Variants in HS3ST4 observed in about 807,000 individuals in gnomAD.
HS3ST4 encodes heparan sulfate-glucosamine 3-sulfotransferase 4.
Under a neutral mutation model 29.2 loss-of-function variants are expected in HS3ST4, and 17 were observed. That is an observed-to-expected ratio of 0.58 (90% CI 0.40 to 0.87). The LOEUF (loss-of-function observed/expected upper bound fraction) is 0.87. Ranked by LOEUF, HS3ST4 falls within the 40% of genes least tolerant of loss-of-function variation. HS3ST4 has a pLI of 0.00. For missense variants in HS3ST4, 627 were observed against 634.5 expected, an observed-to-expected ratio of 0.99 and a Z score of 0.13; for synonymous variants, 314 against 285.7, an observed-to-expected ratio of 1.10 and a Z score of -1.00.
intron 1 of HS3ST4, among the ~76,000 whole-genome samples, chr16:25,767,013 CAA>C (rs5816323): frequency 6.7e-6 from 1 of 149,188 alleles, no homozygotes; most frequent in African/African-American, 2.5e-5. Flanking sequence ...TGCAAACTGA[CAA>C]AAAAAAAGGA....
At chr16:25,833,691 T>G (rs1182282713) in intron 1 of HS3ST4, among the ~76,000 whole-genome samples, 10 of 152,160 alleles carry the variant, frequency 6.6e-5, no homozygotes, top group Admixed American at 2.6e-4. Context: ...ATTTTCTGCT[T>G]CTTCTCTGAT....
chr16:25,801,788 A>T (rs563978291), intron 1 of HS3ST4, among the ~76,000 whole-genome samples: 1 of 152,172 alleles, frequency 6.6e-6, no homozygotes, highest in African/African-American at 2.4e-5. Flanking sequence ...GCCTCTTACA[A>T]TATAGGTTAC....
chr16:26,123,069 C>G (rs539515075), intron 1 of HS3ST4, among the ~76,000 whole-genome samples: 2,584 of 150,954 alleles, frequency 0.017, 65 homozygotes, highest in African/African-American at 0.058. Context: ...AAAAAAAAAC[C>G]GGGGGCTTGA....
At position 26,039,797 on chromosome 16, in the gene HS3ST4, C is replaced by T. The variant is rs557515205; in HGVS notation, c.735-95815C>T. On this transcript the variant is annotated intron_variant, in intron 1 of 1. Coordinates refer to ENST00000331351, the MANE Select transcript of HS3ST4 (RefSeq NM_006040.3). Reference sequence around the variant, plus strand: ...CTCTCTTATGTCCATGGGTTCAATTCAACTCATGGACATTTTATACCTGTA... The same window carrying T: ...CTCTCTTATGTCCATGGGTTCAATTTAACTCATGGACATTTTATACCTGTA... Among the ~76,000 whole-genome samples the T allele has an allele frequency of 1.9e-4, 29 of 152,150 alleles. No individual in the cohort carries two copies. In the South Asian group the frequency reaches 6.0e-3, roughly 32 times the overall value.
rs1000831221 is a variant in HS3ST4 at position 25,776,982 on chromosome 16, T to C, written c.734+83831T>C. Among the ~76,000 whole-genome samples the C allele has an allele frequency of 1.5e-4, 23 of 152,354 alleles. 1 individual carries two copies. Among genetic ancestry groups the C allele is most frequent in the African/African-American group, 5.5e-4 (23 of 41,592 alleles). ...GATATCCCCAATATGCATGCCCTCA[T>C]TACAGGATACTTTTTTCCATTGCAG... On this transcript the variant is annotated intron_variant, in intron 1 of 1. Coordinates refer to ENST00000331351, the MANE Select transcript of HS3ST4 (RefSeq NM_006040.3).
intron 1 of HS3ST4, among the ~76,000 whole-genome samples, chr16:25,857,873 T>C (rs1445800909): frequency 8.3e-6 from 1 of 120,282 alleles, no homozygotes; most frequent in African/African-American, 3.4e-5. Context: ...CATGAATTTC[T>C]TTCTCTTTCT....
chr16:25,919,796 A>G (rs987611624), intron 1 of HS3ST4, among the ~76,000 whole-genome samples: 1 of 152,214 alleles, frequency 6.6e-6, no homozygotes, highest in African/African-American at 2.4e-5. Context: ...GGTCTTAAAC[A>G]TGTCCTGTGG....
rs117213809 is a variant in HS3ST4, at chr16:25,925,040, C to T, written c.735-210572C>T. ...CATGGGTAGAGTAAAGTGGATTCAGCCTCACAGAGGGCTAAATCCAGGTAC... is the reference window on the plus strand; with the variant it reads ...CATGGGTAGAGTAAAGTGGATTCAGTCTCACAGAGGGCTAAATCCAGGTAC... On this transcript the variant is annotated intron_variant, in intron 1 of 1. Transcript: ENST00000331351. Among the ~76,000 whole-genome samples the T allele has an allele frequency of 7.4e-3, 1,120 of 152,100 alleles. 12 individuals carry two copies. Among genetic ancestry groups the T allele is most frequent in the Middle Eastern group, 0.02 (6 of 294 alleles).
intron 1 of HS3ST4, among the ~76,000 whole-genome samples, chr16:26,003,960 G>A (rs1969234309): frequency 6.6e-6 from 1 of 152,108 alleles, no homozygotes; most frequent in Admixed American, 6.5e-5. Context: ...GTCCATCACT[G>A]TGAGCTCCTA....
chr16:25,743,162 G>A (rs56776414), intron 1 of HS3ST4, among the ~76,000 whole-genome samples: 20 of 152,208 alleles, frequency 1.3e-4, no homozygotes, highest in Non-Finnish European at 2.2e-4. Flanking sequence ...GGAAGAGGCA[G>A]TGTAGCCTCC....
At chr16:25,991,642 G>A (rs1969114453) in intron 1 of HS3ST4, among the ~76,000 whole-genome samples, 1 of 152,244 alleles carries the variant, frequency 6.6e-6, no homozygotes, top group African/African-American at 2.4e-5. Flanking sequence ...CTAGGAATGT[G>A]CTGGGCTATC....
chr16:26,121,158 A>C (rs1006984540), intron 1 of HS3ST4, among the ~76,000 whole-genome samples: 4 of 152,208 alleles, frequency 2.6e-5, no homozygotes, highest in African/African-American at 9.6e-5. Context: ...AGTTATTTCG[A>C]GAGAGGATGG....
chr16:25,693,623 T>C (rs927278683), intron 1 of HS3ST4, among the ~76,000 whole-genome samples: 5 of 152,180 alleles, frequency 3.3e-5, no homozygotes, highest in South Asian at 2.1e-4. Flanking sequence ...AATTCAACTT[T>C]AGTGTGTTAA....
chr16:25,945,793 G>T (rs1175016699), intron 1 of HS3ST4, among the ~76,000 whole-genome samples: 1 of 152,194 alleles, frequency 6.6e-6, no homozygotes, highest in Non-Finnish European at 1.5e-5. Context: ...ATGCCCATGT[G>T]TAACAACCCA....
chr16:25,922,850 A>G (rs1326035989), intron 1 of HS3ST4, among the ~76,000 whole-genome samples: 1 of 152,184 alleles, frequency 6.6e-6, no homozygotes, highest in Non-Finnish European at 1.5e-5. Context: ...TTTGTCCATC[A>G]ACCTTTAAGA....
chr16:25,783,659 C>T (rs996624636), intron 1 of HS3ST4, among the ~76,000 whole-genome samples: 2 of 152,082 alleles, frequency 1.3e-5, no homozygotes, highest in Non-Finnish European at 2.9e-5. Context: ...TTTTTTTACA[C>T]TCAGAAAAAG....
At chr16:25,806,786 G>A (rs1966994941) in intron 1 of HS3ST4, among the ~76,000 whole-genome samples, 1 of 152,080 alleles carries the variant, frequency 6.6e-6, no homozygotes, top group African/African-American at 2.4e-5. Context: ...ATTTTATTGA[G>A]ATGTTTCCAG....
intron 1 of HS3ST4, among the ~76,000 whole-genome samples, chr16:26,006,300 GAAAAAAAAAAAAAA>G (rs11461863): frequency 6.8e-4 from 47 of 68,678 alleles, no homozygotes; most frequent in African/African-American, 2.7e-3. Flanking sequence ...CTCTGTTTCA[GAAAAAAAAAAAAAA>G]AAAAAAAAAA....
chr16:26,058,115 A>C (rs747374458), intron 1 of HS3ST4, among the ~76,000 whole-genome samples: 3 of 152,196 alleles, frequency 2.0e-5, no homozygotes, highest in Non-Finnish European at 4.4e-5. Context: ...AGCCCCATTA[A>C]AGCTTTGCAT....
Sources: allele counts gnomAD v4.1 joint callset (sites outside exome capture counted in the v4.1 genomes callset), GRCh38; gene constraint gnomAD v4.1.1; transcripts MANE v1.5; gene names NCBI Gene and HGNC (gene_info 2026-07-23, HGNC 2026-07-21).